Variants in CTNNA2 observed in about 807,000 individuals in gnomAD.
CTNNA2 encodes the protein catenin alpha-2.
Under a neutral mutation model 101.0 loss-of-function variants are expected in CTNNA2, and 42 were observed. The ratio of observed to expected loss-of-function variants is 0.42; its 90% CI spans 0.32 to 0.54. The LOEUF (loss-of-function observed/expected upper bound fraction) is 0.54. CTNNA2 is among the 20% of genes least tolerant of loss of function. The probability of loss-of-function intolerance (pLI) is 0.14; values close to 1 mark genes in which losing one functional copy is unlikely to be tolerated. For synonymous variants in CTNNA2, 450 were observed against 456.4 expected (o/e 0.99, Z 0.18); for missense variants, 871 against 1,223.1 (o/e 0.71, Z 4.29).
In CTNNA2 at chr2:80,258,370, A is replaced by C. The variant is rs75054704; in HGVS notation, c.1057-134841A>C. 9.3e-3 allele frequency among the ~76,000 whole-genome samples: 1,416 copies of C among 152,294 alleles called. 22 individuals carry two copies. Among genetic ancestry groups the C allele is most frequent in the African/African-American group, 0.032 (1,344 of 41,556 alleles). On this transcript the variant is annotated intron_variant, in intron 7 of 18. Transcript: ENST00000402739. ...AGTAAATTTGTTATCTGAAAAGTCA[A>C]CTTAATTTGTGCAACACTTTTTCTG...
chr2:80,483,787 A>T (rs72823710), intron 9 of CTNNA2, among the ~76,000 whole-genome samples: 1,643 of 152,300 alleles, frequency 0.011, 20 homozygotes, highest in Non-Finnish European at 0.014. Context: ...TGAGTCATGG[A>T]TGTTTTATTT....
intron 7 of CTNNA2, among the ~76,000 whole-genome samples, chr2:79,976,227 A>C (rs1690831621): frequency 6.6e-6 from 1 of 152,228 alleles, no homozygotes; most frequent in Non-Finnish European, 1.5e-5. Flanking sequence ...AATTCCATTT[A>C]AATATAATTA....
intron 2 of CTNNA2, among the ~76,000 whole-genome samples, chr2:79,706,751 G>T (rs1001993955): frequency 2.6e-5 from 4 of 152,066 alleles, no homozygotes; most frequent in Non-Finnish European, 4.4e-5. Flanking sequence ...AGGCACCCAG[G>T]TCATAGATGC....
chr2:80,206,731 T>A (rs1707558664), intron 7 of CTNNA2, among the ~76,000 whole-genome samples: 1 of 152,234 alleles, frequency 6.6e-6, no homozygotes, highest in African/African-American at 2.4e-5. Flanking sequence ...CTTGAAAGTC[T>A]GTCACATTTG....
intron 1 of CTNNA2, chr2:79,548,229 C>T (rs749392810): frequency 2.0e-5 from 3 of 152,182 alleles, no homozygotes; most frequent in Admixed American, 6.5e-5. Context: ...AACGGAAATA[C>T]TCTTTAAGTA....
intron 7 of CTNNA2, chr2:80,162,442 CAT>C (rs1014341900): frequency 1.3e-6 from 2 of 1,569,070 alleles, no homozygotes; most frequent in Non-Finnish European, 1.7e-6. Flanking sequence ...GTGCTTTTAA[CAT>C]GTGTTAGTGT....
chr2:79,485,104 A>T (rs1671144823), intron 4 of CTNNA2, among the ~76,000 whole-genome samples: 1 of 152,316 alleles, frequency 6.6e-6, no homozygotes, highest in South Asian at 2.1e-4. Context: ...ATAGAAACAG[A>T]CCAAATGGTT....
chr2:80,090,936 G>C (rs573126826), intron 7 of CTNNA2, among the ~76,000 whole-genome samples: 1 of 152,006 alleles, frequency 6.6e-6, no homozygotes, highest in African/African-American at 2.4e-5. Context: ...TAATGGTCAC[G>C]AGAAGAATTA....
chr2:79,226,356 C>T lies in CTNNA2; in HGVS notation c.-406+28280C>T, dbSNP rs143941120. Among the ~76,000 whole-genome samples the T allele has an allele frequency of 1.1e-3, 164 of 152,144 alleles. 1 individual carries two copies. The highest frequency in any genetic ancestry group is 3.8e-3 in the African/African-American group (156 of 41,500). ...AAACTGGAATAGCAATAGAGCCCAC[C>T]CCATAGAGATTTTGAGAGTATTGCA... On this transcript the variant is annotated intron_variant, in intron 2 of 21. Transcript: ENST00000466387.
intron 7 of CTNNA2, among the ~76,000 whole-genome samples, chr2:80,271,829 A>C (rs913359595): frequency 6.6e-6 from 1 of 152,256 alleles, no homozygotes; most frequent in Admixed American, 6.5e-5. Flanking sequence ...CACTAAAAAT[A>C]TATCTGGGAG....
intron 3 of CTNNA2, among the ~76,000 whole-genome samples, chr2:79,357,046 G>C (rs35965251): frequency 0.32 from 47,918 of 152,046 alleles, 7,809 homozygotes; most frequent in Admixed American, 0.42. Flanking sequence ...ACTCAATAGA[G>C]CTGGGTGGAT....
At chr2:80,598,938 G>C (rs1439817999) in intron 15 of CTNNA2, among the ~76,000 whole-genome samples, 3 of 152,084 alleles carry the variant, frequency 2.0e-5, no homozygotes, top group Non-Finnish European at 4.4e-5. Flanking sequence ...TGTCTCAATT[G>C]TAGTAGTTAC....
At chr2:79,493,399 T>C (rs948806050) in intron 4 of CTNNA2, among the ~76,000 whole-genome samples, 2 of 152,096 alleles carry the variant, frequency 1.3e-5, no homozygotes, top group Non-Finnish European at 2.9e-5. Flanking sequence ...AGGTGGATCA[T>C]AAGGTCAGAT....
intron 9 of CTNNA2, among the ~76,000 whole-genome samples, chr2:80,481,981 T>C (rs1232070449): frequency 2.0e-5 from 3 of 152,140 alleles, no homozygotes; most frequent in Non-Finnish European, 4.4e-5. Flanking sequence ...TCGGGGAGAT[T>C]ACTTCCAGTA....
intron 4 of CTNNA2, among the ~76,000 whole-genome samples, chr2:79,409,205 T>G (rs1678378548): frequency 6.6e-6 from 1 of 152,204 alleles, no homozygotes; most frequent in South Asian, 2.1e-4. Context: ...ATTAGCCCTT[T>G]GTCAGATGAG....
chr2:80,457,656 C>T (rs1684094220), intron 9 of CTNNA2, among the ~76,000 whole-genome samples: 1 of 152,104 alleles, frequency 6.6e-6, no homozygotes, highest in African/African-American at 2.4e-5. Context: ...AGACTCAGCA[C>T]ATAGTAGATT....
At chr2:80,366,918 G>A (rs1437558131) in intron 7 of CTNNA2, among the ~76,000 whole-genome samples, 1 of 151,972 alleles carries the variant, frequency 6.6e-6, no homozygotes, top group Non-Finnish European at 1.5e-5. Context: ...GATGTACATT[G>A]ATTCCATTGG....
At chr2:79,972,961 C>T (rs1318949233) in intron 7 of CTNNA2, among the ~76,000 whole-genome samples, 1 of 152,102 alleles carries the variant, frequency 6.6e-6, no homozygotes, top group Non-Finnish European at 1.5e-5. Flanking sequence ...GTTATGATGT[C>T]AAAACCATAT....
chr2:80,568,745 T>C (rs1373729366), intron 12 of CTNNA2, among the ~76,000 whole-genome samples: 1 of 152,300 alleles, frequency 6.6e-6, no homozygotes, highest in African/African-American at 2.4e-5. Flanking sequence ...GACGAGTATG[T>C]ACATTTCAGT....
Sources: gnomAD v4.1 joint callset for allele counts (sites outside exome capture counted in the v4.1 genomes callset) on GRCh38, gnomAD v4.1.1 for gene constraint, MANE v1.5 for transcripts, NCBI Gene and HGNC (gene_info 2026-07-23, HGNC 2026-07-21) for gene names.